TG: variants seen among roughly 807,000 people sequenced by gnomAD.
TG encodes thyroglobulin.
Under a neutral mutation model 324.7 loss-of-function variants are expected in TG, and 270 were observed. The ratio of observed to expected loss-of-function variants is 0.83; its 90% CI spans 0.75 to 0.92. The LOEUF (loss-of-function observed/expected upper bound fraction) is 0.92. TG is among the 40% of genes least tolerant of loss of function. The probability of loss-of-function intolerance (pLI) is 0.00; values close to 1 mark genes in which losing one functional copy is unlikely to be tolerated. For synonymous variants in TG, 1,401 were observed against 1,327.0 expected, an observed-to-expected ratio of 1.06 and a Z score of -1.21; for missense variants, 3,591 against 3,456.4, an observed-to-expected ratio of 1.04 and a Z score of -0.98.
At chr8:133,094,491 C>A in intron 41 of TG, 1 of 180,670 alleles carries the variant, frequency 5.5e-6, no homozygotes, top group Admixed American at 5.3e-5. Flanking sequence ...CCGCCCACCT[C>A]AGCCTCCCAA....
intron 10 of TG, among the ~76,000 whole-genome samples, chr8:132,892,471 C>G (rs1412464074): frequency 1.3e-5 from 2 of 152,202 alleles, no homozygotes; most frequent in Admixed American, 1.3e-4. Context: ...TAGATGTGCT[C>G]AGGATGATGC....
At chr8:133,134,317 G>T (rs1852189587) in intron 47 of TG, among the ~76,000 whole-genome samples, 1 of 152,164 alleles carries the variant, frequency 6.6e-6, no homozygotes, top group African/African-American at 2.4e-5. Context: ...CCCAGGAGAG[G>T]TGATGCTGGG....
intron 43 of TG, among the ~76,000 whole-genome samples, chr8:133,098,374 G>A (rs1848748965): frequency 6.6e-6 from 1 of 152,238 alleles, no homozygotes; most frequent in African/African-American, 2.4e-5. Context: ...AGAAATGGAA[G>A]TTCTAGTCTT....
intron 41 of TG, among the ~76,000 whole-genome samples, chr8:133,082,739 T>A (rs1341983509): frequency 6.6e-6 from 1 of 152,246 alleles, no homozygotes; most frequent in Non-Finnish European, 1.5e-5. Flanking sequence ...GACGGTAGGA[T>A]CTGTAACAGC....
intron 21 of TG, among the ~76,000 whole-genome samples, chr8:132,920,594 T>A (rs73708401): frequency 0.14 from 20,638 of 152,258 alleles, 1,985 homozygotes; most frequent in African/African-American, 0.27. Context: ...ACTTGTAGTT[T>A]GAGATGACTT....
chr8:133,113,696 C>A, intron 44 of TG, 93 bp downstream of exon 44: 1 of 1,428,730 alleles, frequency 7.0e-7, no homozygotes, highest in Non-Finnish European at 9.6e-7. Flanking sequence ...AATAAAGGCA[C>A]GTGGCTTTGT....
intron 26 of TG, among the ~76,000 whole-genome samples, chr8:132,948,393 A>C (rs1825650362): frequency 6.6e-6 from 1 of 152,054 alleles, no homozygotes; most frequent in South Asian, 2.1e-4. Flanking sequence ...AGGAAGAGGA[A>C]ATTGAAGCAG....
rs571656086 is a variant in TG, at chr8:133,006,009, G to A, written c.6263-5892G>A. Among the ~76,000 whole-genome samples the A allele has an allele frequency of 2.0e-5, 3 of 152,324 alleles. 1 individual carries two copies. In the South Asian group the frequency reaches 6.2e-4, roughly 32 times the overall value. ...CCTTTCCTGAGGCCTGGATCCAAGGGCCTCAGAGCAAAGGTGCTGATGGAT... is the reference window on the plus strand; with the variant it reads ...CCTTTCCTGAGGCCTGGATCCAAGGACCTCAGAGCAAAGGTGCTGATGGAT... On this transcript the variant is annotated intron_variant, in intron 35 of 47. Coordinates refer to ENST00000220616, the MANE Select transcript of TG (RefSeq NM_003235.5).
chr8:132,872,340 T>A (rs913392287), intron 4 of TG, among the ~76,000 whole-genome samples: 4 of 151,526 alleles, frequency 2.6e-5, no homozygotes, highest in Non-Finnish European at 5.9e-5. Context: ...TAGCCGGGCG[T>A]GGTGGCGGGC....
chr8:133,054,315 G>A (rs377318620), intron 41 of TG, among the ~76,000 whole-genome samples: 11 of 152,170 alleles, frequency 7.2e-5, no homozygotes, highest in African/African-American at 1.7e-4. Context: ...TATGCACTGC[G>A]CATGAAAGAA....
chr8:132,941,561 G>T lies in TG; in HGVS notation c.5233+19G>T. 1 of 1,614,090 alleles carries T rather than the reference G, an allele frequency of 6.2e-7. No homozygotes were observed. The highest frequency in any genetic ancestry group is 1.3e-5 in the African/African-American group (1 of 75,044). On this transcript the variant is annotated intron_variant, in intron 26 of 47. Coordinates refer to ENST00000220616, the MANE Select transcript of TG (RefSeq NM_003235.5). ...CAAGGAGGTAATGTTGGCAGTGAGG[G>T]CCAGGGCCTAACAAGGGATGGGGAG... is the stretch of plus-strand genomic sequence containing the variant.
chr8:133,060,448 G>C (rs900522475), intron 41 of TG: 2 of 1,314,594 alleles, frequency 1.5e-6, no homozygotes, highest in Non-Finnish European at 2.0e-6. Context: ...GGTGGCAAAA[G>C]TTTCCATTCC....
chr8:133,131,181 T>C (rs543729654), intron 45 of TG, among the ~76,000 whole-genome samples: 16 of 152,242 alleles, frequency 1.1e-4, no homozygotes, highest in Non-Finnish European at 1.8e-4. Flanking sequence ...CCATGGCCCA[T>C]GTACCAGGCT....
At chr8:132,922,737 T>C (rs566657875) in intron 21 of TG, among the ~76,000 whole-genome samples, 9 of 152,328 alleles carry the variant, frequency 5.9e-5, no homozygotes, top group African/African-American at 1.9e-4. Flanking sequence ...GATGGCGCCT[T>C]CTCACTGTGC....
At chr8:132,987,459 T>C (rs917169232) in intron 35 of TG, among the ~76,000 whole-genome samples, 1 of 152,226 alleles carries the variant, frequency 6.6e-6, no homozygotes, top group Non-Finnish European at 1.5e-5. Context: ...AAAGGAAATA[T>C]TTCTTAAATA....
intron 10 of TG, among the ~76,000 whole-genome samples, chr8:132,890,671 T>C (rs1042405517): frequency 1.3e-5 from 2 of 152,192 alleles, no homozygotes; most frequent in Non-Finnish European, 2.9e-5. Context: ...TGAGTTACAA[T>C]ACATAACTGC....
chr8:133,120,005 T>G (rs1851014075), intron 45 of TG, among the ~76,000 whole-genome samples: 1 of 152,142 alleles, frequency 6.6e-6, no homozygotes, highest in African/African-American at 2.4e-5. Context: ...GAGATGAAGG[T>G]GCCCTCCTAA....
intron 40 of TG, among the ~76,000 whole-genome samples, chr8:133,025,281 C>T (rs749360507): frequency 6.6e-6 from 1 of 152,192 alleles, no homozygotes; most frequent in Non-Finnish European, 1.5e-5. Flanking sequence ...TGAGCCTGGC[C>T]CTGCAGAGGC....
chr8:133,112,544 TAGAG>T (rs1302206745), intron 43 of TG, among the ~76,000 whole-genome samples: 1 of 128,782 alleles, frequency 7.8e-6, no homozygotes, highest in Admixed American at 8.7e-5. Context: ...CAGAGAGAAA[TAGAG>T]AGAGAAGGAG....
Sources: allele counts gnomAD v4.1 joint callset (sites outside exome capture counted in the v4.1 genomes callset), GRCh38; gene constraint gnomAD v4.1.1; transcripts MANE v1.5; gene names NCBI Gene and HGNC (gene_info 2026-07-23, HGNC 2026-07-21).